Variants in MPDZ observed in about 807,000 individuals in gnomAD.
The protein encoded by MPDZ is multiple PDZ domain crumbs cell polarity complex component.
A neutral mutation model predicts 239.1 loss-of-function variants in MPDZ; 234 were observed. The observed-to-expected ratio is 0.98, with a 90% CI of 0.88 to 1.09. The LOEUF is 1.09. Ranked by LOEUF, MPDZ falls within the 50% of genes least tolerant of loss-of-function variation. MPDZ has a pLI of 0.00. For synonymous variants in MPDZ, 1,048 were observed against 881.3 expected (o/e 1.19, Z -3.35); for missense variants, 3,175 against 2,510.0 (o/e 1.26, Z -5.66).
intron 42 of MPDZ, among the ~76,000 whole-genome samples, 179 bp downstream of exon 42, chr9:13,112,832 G>A (rs1193121407): frequency 6.6e-6 from 1 of 152,170 alleles, no homozygotes; most frequent in Admixed American, 6.5e-5. Flanking sequence ...TTTTTCAAAT[G>A]AGGTGCTGTG....
chr9:13,109,820 A>C (rs189527828), intron 45 of MPDZ, 132 bp downstream of exon 45: 27 of 710,836 alleles, frequency 3.8e-5, no homozygotes, highest in Admixed American at 3.0e-4. Flanking sequence ...TGATATGTAT[A>C]ATTCACACTT....
intron 1 of MPDZ, among the ~76,000 whole-genome samples, chr9:13,253,528 C>G (rs1405567749): frequency 2.6e-5 from 4 of 152,156 alleles, no homozygotes; most frequent in Admixed American, 2.6e-4. Context: ...ATTGCAGCCA[C>G]GAATTCCTCT....
intron 3 of MPDZ, among the ~76,000 whole-genome samples, chr9:13,246,827 A>C (rs1966690166): frequency 6.6e-6 from 1 of 152,218 alleles, no homozygotes; most frequent in Non-Finnish European, 1.5e-5. Context: ...ATTAATGCTA[A>C]AGACATTAGA....
intron 3 of MPDZ, among the ~76,000 whole-genome samples, chr9:13,232,717 A>G (rs1327986143): frequency 6.6e-6 from 1 of 151,818 alleles, no homozygotes; most frequent in African/African-American, 2.4e-5. Context: ...GGTCATTAAA[A>G]GATACAATTA....
intron 38 of MPDZ, among the ~76,000 whole-genome samples, chr9:13,120,893 T>C (rs1944242199): frequency 6.6e-6 from 1 of 152,216 alleles, no homozygotes; most frequent in Non-Finnish European, 1.5e-5. Flanking sequence ...CACTGCAGAC[T>C]GCAGGGGCAC....
chr9:13,184,316 A>T (rs1046465236), intron 18 of MPDZ, among the ~76,000 whole-genome samples: 1 of 152,018 alleles, frequency 6.6e-6, no homozygotes, highest in Non-Finnish European at 1.5e-5. Flanking sequence ...CAATTCACTC[A>T]AAGTCATACC....
chr9:13,272,367 T>G (rs184349783), intron 1 of MPDZ, among the ~76,000 whole-genome samples: 1 of 152,240 alleles, frequency 6.6e-6, no homozygotes, highest in East Asian at 1.9e-4. Flanking sequence ...CTAAAAATAC[T>G]TTGTGACTTA....
intron 39 of MPDZ, among the ~76,000 whole-genome samples, chr9:13,117,123 T>C (rs1943583458): frequency 6.6e-6 from 1 of 152,176 alleles, no homozygotes; most frequent in South Asian, 2.1e-4. Context: ...AGAACAATTA[T>C]AACAATGTGC....
At chr9:13,207,546 T>C (rs1016647987) in intron 10 of MPDZ, among the ~76,000 whole-genome samples, 4 of 152,344 alleles carry the variant, frequency 2.6e-5, no homozygotes, top group African/African-American at 4.8e-5. Context: ...TCTTTCTCAA[T>C]AGCTTACTTA....
Position 13,230,033 on chromosome 9 carries a change from A to T in MPDZ, c.184-5450T>A, listed in dbSNP as rs537692650. Among the ~76,000 whole-genome samples, 134 of 152,294 alleles carry T rather than the reference A, an allele frequency of 8.8e-4. 1 individual carries two copies. Among genetic ancestry groups the T allele is most frequent in the African/African-American group, 3.1e-3 (130 of 41,574 alleles). ...AACTAGAAAATGGGCAGAAAAAAAC[A>T]GACAGACATTTCATGAAAGAGGATA... On this transcript the variant is annotated intron_variant, in intron 3 of 46. Coordinates refer to ENST00000319217, the MANE Select transcript of MPDZ (RefSeq NM_001378778.1).
intron 19 of MPDZ, among the ~76,000 whole-genome samples, chr9:13,181,261 AATT>A (rs1470341164): frequency 6.6e-6 from 1 of 152,188 alleles, no homozygotes; most frequent in Non-Finnish European, 1.5e-5. Context: ...TTACTTTATA[AATT>A]AAAAAGCCTT....
intron 12 of MPDZ, among the ~76,000 whole-genome samples, chr9:13,198,735 C>CTGTGTGTGTGTGTGTG (rs1243812686): frequency 6.2e-3 from 106 of 17,100 alleles, no homozygotes; most frequent in African/African-American, 7.4e-3. Context: ...TAATCTCTCT[C>CTGTGTGTGTGTGTGTG]TCTGTGTGTG....
intron 18 of MPDZ, among the ~76,000 whole-genome samples, chr9:13,185,510 G>A (rs1017572125): frequency 3.3e-5 from 5 of 152,042 alleles, no homozygotes; most frequent in East Asian, 3.9e-4. Context: ...CACAAAAAAC[G>A]TTGAGTAAGG....
intron 3 of MPDZ, 93 bp downstream of exon 3, chr9:13,247,542 A>G: frequency 1.5e-6 from 2 of 1,370,744 alleles, no homozygotes; most frequent in Non-Finnish European, 2.0e-6. Flanking sequence ...CTATTCATTA[A>G]CACATAGAAA....
At chr9:13,227,127 C>T (rs1250752125) in intron 3 of MPDZ, among the ~76,000 whole-genome samples, 5 of 152,004 alleles carry the variant, frequency 3.3e-5, no homozygotes, top group Admixed American at 2.6e-4. Context: ...AAATATTTCA[C>T]AATATGTCAC....
intron 21 of MPDZ, among the ~76,000 whole-genome samples, chr9:13,170,747 T>TAATA (rs1439743516): frequency 1.3e-5 from 2 of 152,298 alleles, no homozygotes; most frequent in Non-Finnish European, 2.9e-5. Context: ...AATTCACTTT[T>TAATA]AATAGCATAT....
chr9:13,218,966 C>T (rs1958709694), intron 8 of MPDZ, among the ~76,000 whole-genome samples: 1 of 151,728 alleles, frequency 6.6e-6, no homozygotes, highest in Non-Finnish European at 1.5e-5. Context: ...TGTTATAACA[C>T]CAAAAGAATA....
At chr9:13,203,559 G>C (rs954129109) in intron 12 of MPDZ, among the ~76,000 whole-genome samples, 14 of 152,102 alleles carry the variant, frequency 9.2e-5, no homozygotes, top group African/African-American at 3.4e-4. Flanking sequence ...GTCCAGGCTT[G>C]CACGATGTGT....
At position 13,160,114 on chromosome 9, in the gene MPDZ, A is replaced by G. The variant is rs111918076; in HGVS notation, c.3360-2004T>C. The stretch of plus-strand genomic sequence containing the variant: ...AGATTTGGATTGAGGCCATCTTACC[A>G]TAAAACCTGAGCTCTTAACTTTCAT... On this transcript the variant is annotated intron_variant, in intron 23 of 46. Coordinates refer to ENST00000319217, the MANE Select transcript of MPDZ (RefSeq NM_001378778.1). Among the ~76,000 whole-genome samples the G allele has an allele frequency of 4.5e-4, 69 of 152,324 alleles. 1 individual carries two copies. Among genetic ancestry groups the G allele is most frequent in the African/African-American group, 1.7e-3 (69 of 41,586 alleles).
Sources: allele counts gnomAD v4.1 joint callset (sites outside exome capture counted in the v4.1 genomes callset), GRCh38; gene constraint gnomAD v4.1.1; transcripts MANE v1.5; gene names NCBI Gene and HGNC (gene_info 2026-07-23, HGNC 2026-07-21).